NARS2: variants seen among roughly 807,000 people sequenced by gnomAD.
NARS2 encodes asparaginyl-tRNA synthetase 2, mitochondrial, also known as asparaginyl-tRNA synthetase.
NARS2 carries 60 observed loss-of-function variants against 62.9 expected under a neutral mutation model. That is an observed-to-expected ratio of 0.95 (90% CI 0.77 to 1.18). The LOEUF (loss-of-function observed/expected upper bound fraction) is 1.18, where lower values mean the gene tolerates loss of function less well. NARS2 is among the 50% of genes most tolerant of loss of function. The pLI, the probability that NARS2 is intolerant of heterozygous loss-of-function variation, is 0.00. For missense variants in NARS2, 619 were observed against 576.4 expected (o/e 1.07, Z -0.76); for synonymous variants, 196 against 200.0 (o/e 0.98, Z 0.17).
chr11:78,464,878 C>T (rs575342487), intron 11 of NARS2, among the ~76,000 whole-genome samples: 3 of 152,232 alleles, frequency 2.0e-5, no homozygotes, highest in Non-Finnish European at 4.4e-5. Flanking sequence ...CTCCACGTCC[C>T]CACCAGACTC....
chr11:78,444,726 AC>A (rs1360013316), intron 11 of NARS2, among the ~76,000 whole-genome samples: 5 of 144,884 alleles, frequency 3.5e-5, no homozygotes, highest in Non-Finnish European at 5.9e-5. Context: ...CTCAAACAAA[AC>A]AAAAAAAAAA....
chr11:78,436,865 T>A (rs765294731), intron 13 of NARS2, 51 bp from the exon 14 acceptor site: 1 of 1,536,816 alleles, frequency 6.5e-7, no homozygotes, highest in Non-Finnish European at 8.9e-7. Context: ...TAAGACCAGA[T>A]GTTATGATTA....
At chr11:78,542,598 A>G (rs1195260796) in intron 5 of NARS2, among the ~76,000 whole-genome samples, 1 of 152,204 alleles carries the variant, frequency 6.6e-6, no homozygotes, top group Admixed American at 6.5e-5. Flanking sequence ...GTATCCACAC[A>G]AAGGACTTGA....
Position 78,559,603 on chromosome 11 carries a change from T to A in NARS2, c.530A>T (p.His177Leu). ...GGATGTGATTATTGGAGTATGAATA[T>A]GTACAAAGCCACTGTCCTGAAAAAG... is the stretch of plus-strand genomic sequence containing the variant. ...HSFFKDSGFV[H>L]IHTPIITSND... is the part of the protein sequence containing the mutation. Residue 177 changes from histidine (H) to leucine (L), a missense_variant, in exon 5 of 14, where the codon CAT (histidine) becomes CTT (leucine). Transcript: ENST00000281038. 1 of 1,612,462 alleles carries A rather than the reference T, an allele frequency of 6.2e-7. No individual in the cohort carries two copies. Among genetic ancestry groups the A allele is most frequent in the Non-Finnish European group, 8.5e-7 (1 of 1,178,742 alleles).
chr11:78,463,846 C>T (rs1858499852), intron 11 of NARS2, among the ~76,000 whole-genome samples: 1 of 151,808 alleles, frequency 6.6e-6, no homozygotes, highest in Admixed American at 6.6e-5. Context: ...CTGCCTGTAT[C>T]CCTTCATAGC....
chr11:78,483,757 A>C (rs1859455243), intron 7 of NARS2, among the ~76,000 whole-genome samples: 1 of 152,120 alleles, frequency 6.6e-6, no homozygotes, highest in African/African-American at 2.4e-5. Flanking sequence ...AACAAATGGA[A>C]AAAAAAATTC....
intron 6 of NARS2, among the ~76,000 whole-genome samples, chr11:78,525,572 T>C (rs1861266971): frequency 6.6e-6 from 1 of 152,140 alleles, no homozygotes; most frequent in Non-Finnish European, 1.5e-5. Flanking sequence ...TATAAATGAT[T>C]ACACAAATAA....
chr11:78,454,044 C>T (rs910558344), intron 11 of NARS2, among the ~76,000 whole-genome samples: 1 of 152,180 alleles, frequency 6.6e-6, no homozygotes, highest in Non-Finnish European at 1.5e-5. Flanking sequence ...CCTTAGTGAG[C>T]TCTAAATTTC....
intron 9 of NARS2, among the ~76,000 whole-genome samples, chr11:78,472,458 G>A (rs1457021095): frequency 1.3e-5 from 2 of 151,980 alleles, no homozygotes; most frequent in Non-Finnish European, 2.9e-5. Context: ...GATAAATGAA[G>A]AGCAAATAAA....
intron 5 of NARS2, among the ~76,000 whole-genome samples, chr11:78,552,240 G>A (rs1270903228): frequency 6.6e-6 from 1 of 152,174 alleles, no homozygotes; most frequent in African/African-American, 2.4e-5. Flanking sequence ...GTGAGAACAT[G>A]CGGTATTTAG....
chr11:78,436,944 T>G, intron 13 of NARS2, 130 bp from the exon 14 acceptor site: 1 of 855,266 alleles, frequency 1.2e-6, no homozygotes, highest in Admixed American at 2.5e-5. Flanking sequence ...AGACCAGTCT[T>G]TCCCCTCCAC....
intron 2 of NARS2, among the ~76,000 whole-genome samples, chr11:78,569,105 C>T (rs937501313): frequency 6.6e-6 from 1 of 152,110 alleles, no homozygotes; most frequent in African/African-American, 2.4e-5. Context: ...CGGGAATTCT[C>T]TGTCCTATTT....
At chr11:78,470,882 ATTTTT>A (rs67863152) in intron 9 of NARS2, among the ~76,000 whole-genome samples, 2 of 135,162 alleles carry the variant, frequency 1.5e-5, no homozygotes, top group South Asian at 2.3e-4. Context: ...AGTATTTTGG[ATTTTT>A]TTTTTTTTTT....
chr11:78,466,202 C>A lies in NARS2; in HGVS notation c.1027-189G>T, dbSNP rs541989440. Among the ~76,000 whole-genome samples the A allele has an allele frequency of 5.9e-5, 9 of 152,158 alleles. No individual in the cohort carries two copies. In the South Asian group the frequency reaches 1.9e-3, roughly 32 times the overall value. ...ATTTGTTAACAAGAACACCTACAGG[C>A]CTGGAAAGATGAAAGCTGAGGCCAG... On this transcript the variant is annotated intron_variant, in intron 10 of 13. Transcript: ENST00000281038.
intron 1 of NARS2, among the ~76,000 whole-genome samples, chr11:78,572,448 C>T (rs1856963986): frequency 6.6e-6 from 1 of 152,168 alleles, no homozygotes; most frequent in Admixed American, 6.5e-5. Flanking sequence ...AAAGGAATTT[C>T]TTACTTCAAA....
chr11:78,440,173 C>A (rs983153843), intron 13 of NARS2, among the ~76,000 whole-genome samples: 2 of 152,192 alleles, frequency 1.3e-5, no homozygotes, highest in African/African-American at 4.8e-5. Flanking sequence ...AAGCAATTCT[C>A]CTGCCTCAGC....
chr11:78,478,879 A>G (rs1859225700), intron 7 of NARS2, among the ~76,000 whole-genome samples, 196 bp from the exon 8 acceptor site: 2 of 152,198 alleles, frequency 1.3e-5, no homozygotes, highest in African/African-American at 2.4e-5. Flanking sequence ...AGGGAGGAAG[A>G]AAAAAGGAAA....
At chr11:78,506,091 C>G (rs1860486766) in intron 6 of NARS2, among the ~76,000 whole-genome samples, 1 of 151,994 alleles carries the variant, frequency 6.6e-6, no homozygotes, top group African/African-American at 2.4e-5. Context: ...CCAGTAAGCA[C>G]ATGAAAAAAA....
intron 11 of NARS2, among the ~76,000 whole-genome samples, chr11:78,460,286 T>TTA (rs1410327760): frequency 6.6e-6 from 1 of 151,566 alleles, no homozygotes; most frequent in African/African-American, 2.4e-5. Flanking sequence ...TTTTTTTTTT[T>TTA]AATGGGGATG....
Sources: gnomAD v4.1 joint callset for allele counts (sites outside exome capture counted in the v4.1 genomes callset) on GRCh38, gnomAD v4.1.1 for gene constraint, MANE v1.5 for transcripts, NCBI Gene and HGNC (gene_info 2026-07-23, HGNC 2026-07-21) for gene names.